GSTM2: variants seen among roughly 807,000 people sequenced by gnomAD.
GSTM2 encodes the protein glutathione S-transferase mu 2.
A neutral mutation model predicts 33.3 loss-of-function variants in GSTM2; 33 were observed. That is an observed-to-expected ratio of 0.99 (90% CI 0.75 to 1.33). The LOEUF (loss-of-function observed/expected upper bound fraction) is 1.33, where lower values mean the gene tolerates loss of function less well. Among genes scored for constraint, GSTM2 ranks in the 40% most tolerant of loss-of-function variants. The pLI, the probability that GSTM2 is intolerant of heterozygous loss-of-function variation, is 0.00. For missense variants in GSTM2, 213 were observed against 265.8 expected (o/e 0.80, Z 1.38); for synonymous variants, 93 against 95.6 (o/e 0.97, Z 0.16).
At chr1:109,677,470 T>C (rs533226771), downstream of GSTM2, among the ~76,000 whole-genome samples, 118 of 152,300 alleles carry the variant, frequency 7.7e-4, no homozygotes, top group African/African-American at 2.7e-3. Context: ...TACTCTGGTA[T>C]AATGAAAATA....
intron 7 of GSTM2, chr1:109,673,168 C>A: frequency 6.2e-7 from 1 of 1,608,850 alleles, no homozygotes; most frequent in Non-Finnish European, 8.5e-7. Flanking sequence ...CCGCGCCTGG[C>A]CTCTTCCTCT....
chr1:109,676,509 C>T (rs1253040246), downstream of GSTM2, among the ~76,000 whole-genome samples: 1 of 151,970 alleles, frequency 6.6e-6, no homozygotes, highest in Non-Finnish European at 1.5e-5. Flanking sequence ...GCACACTGTG[C>T]CCAGCCGATT....
chr1:109,678,637 G>A (rs1483082428), downstream of GSTM2, among the ~76,000 whole-genome samples: 1 of 151,444 alleles, frequency 6.6e-6, no homozygotes, highest in Non-Finnish European at 1.5e-5. Flanking sequence ...GAGCTTGCCT[G>A]TAGTCCCAGC....
At chr1:109,679,151 GA>G (rs751673737), downstream of GSTM2, among the ~76,000 whole-genome samples, 20 of 151,314 alleles carry the variant, frequency 1.3e-4, no homozygotes, top group Non-Finnish European at 2.6e-4. Flanking sequence ...TTCATCTTAT[GA>G]TTTTTTTTTT....
In GSTM2 at chr1:109,671,164, G is replaced by A; in HGVS notation, c.361-123G>A. On this transcript the variant is annotated intron_variant, in intron 5 of 7. Coordinates refer to ENST00000241337, the MANE Select transcript of GSTM2 (RefSeq NM_000848.4). The stretch of plus-strand genomic sequence containing the variant: ...CAGCTGAAGCCTGGACAGTGACCCA[G>A]TTCCAGCTGTGGGGAAGATGACTGC... 4.2e-6 allele frequency: 3 copies of A among 722,518 alleles called. No homozygotes were observed. In the East Asian group the frequency reaches 7.5e-5, roughly 18 times the overall value. The allele number at this position is 722,518 out of a possible 1,614,324, so 44.8% of individuals were successfully genotyped here. A position where few individuals can be genotyped will look rare whatever the true frequency, so the allele number is the denominator to read the frequency against.
At chr1:109,673,614 G>C (rs555039616) in intron 7 of GSTM2, 1 of 244,478 alleles carries the variant, frequency 4.1e-6, no homozygotes, top group East Asian at 1.2e-4. Flanking sequence ...GCTATGGCCC[G>C]TTATGTGCCA....
At chr1:109,669,901 T>A (rs1318843347) in intron 5 of GSTM2, 4 of 284,680 alleles carry the variant, frequency 1.4e-5, no homozygotes, top group Non-Finnish European at 2.0e-5. Context: ...TTCCTCTTGG[T>A]GGGTTCATGG....
chr1:109,673,118 C>T (rs934211771), intron 7 of GSTM2: 345 of 1,548,658 alleles, frequency 2.2e-4, no homozygotes, highest in Middle Eastern at 3.4e-4. Context: ...GATCCACCCA[C>T]CTCAGCCTCC....
chr1:109,682,669 T>C lies in GSTM2; in HGVS notation c.567+11086T>C. Among the ~76,000 whole-genome samples the C allele has an allele frequency of 1.6e-5, 2 of 128,486 alleles. 1 individual carries two copies. The allele number at this position is 128,486 out of a possible 152,430, so 84.3% of individuals were successfully genotyped here. A position where few individuals can be genotyped will look rare whatever the true frequency, so the allele number is the denominator to read the frequency against. ...CTGTTCTACTTTCTTGAAATTCTAG[T>C]TTGTTTGCCTTATTCTTGGTATCAC... On this transcript the variant is annotated intron_variant, in intron 7 of 7. Coordinates refer to the GSTM2 transcript ENST00000369831.
At position 109,682,502 on chromosome 1, in the gene GSTM2, A is replaced by C. The variant is rs923569392; in HGVS notation, c.567+10919A>C. Among the ~76,000 whole-genome samples the C allele has an allele frequency of 2.4e-4, 26 of 106,384 alleles. 1 individual carries two copies. The East Asian group carries it at 5.0e-3, about 21-fold the overall frequency. The allele number at this position is 106,384 out of a possible 152,430, so 69.8% of individuals were successfully genotyped here. Reference sequence around the variant, plus strand: ...TGATCCGCCCGCCTTGGCCTCCCAAAGTGTGGGGATTACAGGCGTGTAGTT... The same window carrying C: ...TGATCCGCCCGCCTTGGCCTCCCAACGTGTGGGGATTACAGGCGTGTAGTT... On this transcript the variant is annotated intron_variant, in intron 7 of 7. Transcript: ENST00000369831.
Position 109,671,515 on chromosome 1 carries a change from A to C in GSTM2, c.499A>C (p.Asn167His). 4 of 1,613,858 alleles carry C rather than the reference A, an allele frequency of 2.5e-6. No individual in the cohort carries two copies. The highest frequency in any genetic ancestry group is 3.4e-6 in the Non-Finnish European group (4 of 1,179,732). ...DFIAYDVLER[N>H]QVFEPSCLDA... is the part of the protein sequence containing the mutation. ...CATCGCTTATGATGTCCTTGAGAGA[A>C]ACCAAGTATTTGAGCCCAGCTGCCT... Residue 167 changes from asparagine (N) to histidine (H), a missense_variant, in exon 7 of 8, where the codon AAC becomes CAC. Transcript: ENST00000241337.
At chr1:109,669,090 C>G in intron 3 of GSTM2, 101 bp downstream of exon 3, 1 of 1,363,358 alleles carries the variant, frequency 7.3e-7, no homozygotes, top group Non-Finnish European at 1.0e-6. Flanking sequence ...GAGTCTTCTG[C>G]CCAATTCCTC....
chr1:109,669,059 G>C lies in GSTM2; in HGVS notation c.177+70G>C, dbSNP rs428135. On this transcript the variant is annotated intron_variant, in intron 3 of 7. Transcript: ENST00000241337. The stretch of plus-strand genomic sequence containing the variant: ...TCTCTGACTGCATCTCCTCTCCCCA[G>C]CTTAGAGGTGTTAAGATCAGGAGTC... The C allele has an allele frequency of 0.51, 765,129 of 1,497,646 alleles. 200,081 individuals carry two copies. Among genetic ancestry groups the C allele is most frequent in the African/African-American group, 0.76 (54,173 of 71,282 alleles). The allele number at this position is 1,497,646 out of a possible 1,614,324, so 92.8% of individuals were successfully genotyped here.
chr1:109,668,410 G>A lies in GSTM2; in HGVS notation c.37-15G>A. On this transcript the variant is annotated splice_polypyrimidine_tract_variant and intron_variant, in intron 1 of 7. Coordinates refer to ENST00000241337, the MANE Select transcript of GSTM2 (RefSeq NM_000848.4). ...CCCTCCATCTCTGACCCGAGCTGTG[G>A]GCCATCTCTCCCAGCTGGCCCATTC... 1 of 1,613,402 alleles carries A rather than the reference G, an allele frequency of 6.2e-7. No individual in the cohort carries two copies. Among genetic ancestry groups the A allele is most frequent in the Non-Finnish European group, 8.5e-7 (1 of 1,179,368 alleles).
intron 7 of GSTM2, among the ~76,000 whole-genome samples, chr1:109,673,021 C>T (rs1647600665): frequency 6.6e-6 from 1 of 152,010 alleles, no homozygotes; most frequent in Non-Finnish European, 1.5e-5. Context: ...AGGTGTGTAC[C>T]ACCACGTCCA....
intron 5 of GSTM2, chr1:109,670,189 C>T (rs541688598): frequency 1.8e-5 from 2 of 109,502 alleles, no homozygotes; most frequent in African/African-American, 6.9e-5. Context: ...CTGATTGGTC[C>T]GTTTTACAGA....
chr1:109,673,198 T>A (rs778178482), intron 7 of GSTM2: 8 of 1,611,686 alleles, frequency 5.0e-6, no homozygotes, highest in Non-Finnish European at 6.8e-6. Context: ...CCTCCAATGT[T>A]CCAGGTGTTC....
In GSTM2 at chr1:109,669,545, G is replaced by A. The variant is rs1311259111; in HGVS notation, c.334G>A (p.Ala112Thr). The A allele has an allele frequency of 9.9e-6, 16 of 1,610,150 alleles. No homozygotes were observed. The highest frequency in any genetic ancestry group is 5.0e-5 in the Admixed American group (3 of 59,950). The change falls in exon 5 of 8, where the codon GCC (alanine) becomes ACC (threonine). Residue 112 changes from alanine (A) to threonine (T), a missense_variant. By Grantham distance (58) the Ala-to-Thr change is moderately conservative (BLOSUM62 0). Transcript: ENST00000241337. ...NQFMDSRMQL[A>T]KLCYDPDFEK... is the part of the protein sequence containing the mutation. ...GTTTATGGACAGCCGTATGCAGCTG[G>A]CCAAACTCTGCTATGACCCAGATTT...
In GSTM2 at chr1:109,674,923, G is replaced by C. The variant is rs1647665265; in HGVS notation, c.*87G>C. The C allele has an allele frequency of 6.4e-7, 1 of 1,559,730 alleles. No individual in the cohort carries two copies. The highest frequency in any genetic ancestry group is 1.4e-5 in the African/African-American group (1 of 73,186). On this transcript the variant is annotated 3_prime_UTR_variant, in exon 8 of 8. Coordinates refer to ENST00000241337, the MANE Select transcript of GSTM2 (RefSeq NM_000848.4). ...CAGCGCAGCTGGACTCTGCATCCCAGCACCTGCCTCCTCGTTCCTTTCTCC... is the reference window on the plus strand; with the variant it reads ...CAGCGCAGCTGGACTCTGCATCCCACCACCTGCCTCCTCGTTCCTTTCTCC...
Sources: allele counts gnomAD v4.1 joint callset (sites outside exome capture counted in the v4.1 genomes callset), GRCh38; gene constraint gnomAD v4.1.1; transcripts MANE v1.5; gene names NCBI Gene and HGNC (gene_info 2026-07-23, HGNC 2026-07-21).